The following DTHD1 variants were observed in gnomAD, a reference collection of about 807,000 sequenced individuals.
The protein encoded by DTHD1 is death domain-containing protein 1.
In DTHD1, 59 loss-of-function variants were observed where a neutral mutation model predicts 74.8. The ratio of observed to expected loss-of-function variants is 0.79; its 90% confidence interval spans 0.64 to 0.98. The LOEUF (loss-of-function observed/expected upper bound fraction) is 0.98, where lower values mean the gene tolerates loss of function less well. Ranked by LOEUF, DTHD1 falls within the 50% of genes least tolerant of loss-of-function variation. DTHD1 has a pLI of 0.00. For synonymous variants in DTHD1, 365 were observed against 371.1 expected, an observed-to-expected ratio of 0.98 and a Z score of 0.19; for missense variants, 1,051 against 1,065.4, an observed-to-expected ratio of 0.99 and a Z score of 0.19.
intron 2 of DTHD1, among the ~76,000 whole-genome samples, chr4:36,284,795 G>C (rs1364661978): frequency 6.6e-6 from 1 of 152,162 alleles, no homozygotes; most frequent in Non-Finnish European, 1.5e-5. Context: ...TGTCTGGTGA[G>C]GGCTTTCTGG....
At chr4:36,341,217 T>A (rs1004168433) in intron 9 of DTHD1, among the ~76,000 whole-genome samples, 3 of 152,048 alleles carry the variant, frequency 2.0e-5, no homozygotes, top group Admixed American at 6.6e-5. Context: ...CACAATAGCT[T>A]GACACAGTAG....
At chr4:36,302,837 A>G (rs1756852607) in intron 5 of DTHD1, among the ~76,000 whole-genome samples, 1 of 152,212 alleles carries the variant, frequency 6.6e-6, no homozygotes, top group South Asian at 2.1e-4. Context: ...TACTTTAATG[A>G]CTAAATTATA....
rs570579710 is a variant in DTHD1 at position 36,289,851 on chromosome 4, T to A, written c.888-522T>A. ...ACTATGATTAATGATAAATTTACAGTTCTTTTGTATCTTTCTCAGCTTTTC... is the reference window on the plus strand; with the variant it reads ...ACTATGATTAATGATAAATTTACAGATCTTTTGTATCTTTCTCAGCTTTTC... On this transcript the variant is annotated intron_variant, in intron 2 of 9. Coordinates refer to ENST00000639862, the MANE Select transcript of DTHD1 (RefSeq NM_001170700.3). Among the ~76,000 whole-genome samples, 7 of 152,142 alleles carry A rather than the reference T, an allele frequency of 4.6e-5. No individual in the cohort carries two copies. The South Asian group carries it at 1.5e-3, about 32-fold the overall frequency.
At chr4:36,292,458 A>C (rs1347047792) in intron 3 of DTHD1, among the ~76,000 whole-genome samples, 2 of 152,226 alleles carry the variant, frequency 1.3e-5, no homozygotes, top group African/African-American at 4.8e-5. Flanking sequence ...GGATCGTATG[A>C]CATTATAAAA....
rs76308595 is a variant in DTHD1 at position 36,310,600 on chromosome 4, C to T, written c.2095+2107C>T. 0.015 allele frequency among the ~76,000 whole-genome samples: 2,209 copies of T among 152,098 alleles called. 154 individuals are homozygous for T. In the East Asian group the frequency reaches 0.21, roughly 14 times the overall value. On this transcript the variant is annotated intron_variant, in intron 7 of 9. Coordinates refer to ENST00000639862, the MANE Select transcript of DTHD1 (RefSeq NM_001170700.3). ...GTTTACTTATAAATTAATATGGATCCGATTTAATTTTATTATGCCTATTTT... is the reference window on the plus strand; with the variant it reads ...GTTTACTTATAAATTAATATGGATCTGATTTAATTTTATTATGCCTATTTT...
At chr4:36,284,989 A>G (rs1305768542) in intron 2 of DTHD1, among the ~76,000 whole-genome samples, 1 of 152,162 alleles carries the variant, frequency 6.6e-6, no homozygotes, top group African/African-American at 2.4e-5. Flanking sequence ...CAATGCATGA[A>G]TTTTGAGGAG....
At position 36,346,296 on chromosome 4, in the gene DTHD1, A is replaced by G. The variant is rs1053086467; in HGVS notation, c.*2472A>G. Among the ~76,000 whole-genome samples the G allele has an allele frequency of 5.3e-5, 8 of 151,778 alleles. No homozygotes were observed. Among genetic ancestry groups the G allele is most frequent in the Non-Finnish European group, 7.4e-5 (5 of 67,896 alleles). On this transcript the variant is annotated 3_prime_UTR_variant, in exon 10 of 10. Transcript: ENST00000639862. ...CCGTTACCACTTCACCTGCACATAT[A>G]CAATCTCATTAAAACACTCCCTGTC...
chr4:36,317,796 T>C (rs886370016), intron 8 of DTHD1, among the ~76,000 whole-genome samples: 8 of 152,246 alleles, frequency 5.3e-5, no homozygotes, highest in African/African-American at 1.2e-4. Context: ...ATGGTACTAA[T>C]AGTTGTTCAG....
intron 8 of DTHD1, among the ~76,000 whole-genome samples, chr4:36,331,946 G>A (rs890268832): frequency 2.0e-5 from 3 of 152,054 alleles, no homozygotes; most frequent in East Asian, 1.9e-4. Flanking sequence ...GTATTGTTTC[G>A]GTTGCCCTTG....
chr4:36,323,473 A>T (rs1456826486), intron 8 of DTHD1, among the ~76,000 whole-genome samples: 1 of 152,092 alleles, frequency 6.6e-6, no homozygotes, highest in African/African-American at 2.4e-5. Context: ...AAATGTTTAC[A>T]TCCAAAAGCA....
intron 7 of DTHD1, among the ~76,000 whole-genome samples, chr4:36,314,103 G>T (rs537642257): frequency 1.4e-5 from 2 of 139,310 alleles, no homozygotes; most frequent in African/African-American, 6.0e-5. Flanking sequence ...CAAGTAGCCA[G>T]GTTGCCTCTC....
chr4:36,316,005 C>T (rs1757691583), intron 7 of DTHD1, among the ~76,000 whole-genome samples: 1 of 152,126 alleles, frequency 6.6e-6, no homozygotes, highest in Admixed American at 6.5e-5. Flanking sequence ...GCGTGATCTC[C>T]GCTCACTGTA....
intron 7 of DTHD1, among the ~76,000 whole-genome samples, chr4:36,309,531 C>T (rs1451069551): frequency 6.6e-6 from 1 of 152,162 alleles, no homozygotes; most frequent in Non-Finnish European, 1.5e-5. Context: ...AATTTATTTA[C>T]TTTTTGTTCA....
At chr4:36,316,848 G>A (rs1757767489) in intron 8 of DTHD1, among the ~76,000 whole-genome samples, 1 of 152,174 alleles carries the variant, frequency 6.6e-6, no homozygotes. Flanking sequence ...TCATGGTGAA[G>A]AGAAAAATGA....
chr4:36,286,930 T>C (rs1755748665), intron 2 of DTHD1, among the ~76,000 whole-genome samples: 1 of 152,248 alleles, frequency 6.6e-6, no homozygotes, highest in South Asian at 2.1e-4. Flanking sequence ...CTTTATGTTC[T>C]ATATACCTGT....
chr4:36,314,069 G>GTTTTTTTTTTT (rs375245524), intron 7 of DTHD1, among the ~76,000 whole-genome samples: 3 of 138,992 alleles, frequency 2.2e-5, no homozygotes, highest in Non-Finnish European at 3.1e-5. Flanking sequence ...CTAGGAATCT[G>GTTTTTTTTTTT]TTTTTTTTTT....
chr4:36,284,303 G>A lies in DTHD1; in HGVS notation c.599G>A (p.Arg200His), dbSNP rs752476393. 54 of 1,537,040 alleles carry A rather than the reference G, an allele frequency of 3.5e-5. No homozygotes were observed. The highest frequency in any genetic ancestry group is 9.5e-5 in the South Asian group (8 of 84,064). ...GAAAACAATACATCACTGAATGGAC[G>A]TGTACTGGGGCAAGAAGAGTCACAG... ...EKENNTSLNG[R>H]VLGQEESQNK... Residue 200 changes from arginine (R) to histidine (H), a missense_variant, in exon 2 of 10, where the codon CGT (arginine) becomes CAT (histidine). By Grantham distance (29) the Arg-to-His change is conservative (BLOSUM62 0). Transcript: ENST00000639862.
chr4:36,339,801 T>G (rs973396461), intron 9 of DTHD1, among the ~76,000 whole-genome samples: 1 of 152,188 alleles, frequency 6.6e-6, no homozygotes, highest in African/African-American at 2.4e-5. Context: ...TGATATGAGT[T>G]TGCCCTTACG....
chr4:36,319,899 T>C (rs533931466), intron 8 of DTHD1, among the ~76,000 whole-genome samples: 2 of 152,338 alleles, frequency 1.3e-5, no homozygotes, highest in East Asian at 3.9e-4. Context: ...GCCTGAGTAA[T>C]TCTTACTGAA....
Sources: allele counts gnomAD v4.1 joint callset (sites outside exome capture counted in the v4.1 genomes callset), GRCh38; gene constraint gnomAD v4.1.1; transcripts MANE v1.5; gene names NCBI Gene and HGNC (gene_info 2026-07-23, HGNC 2026-07-21).